Variants in MIR2052HG observed in about 807,000 individuals in gnomAD.
MIR2052HG encodes MIR2052 host gene.
chr8:74,616,235 T>G (rs1051149070), intron 2 of MIR2052HG, among the ~76,000 whole-genome samples: 5 of 151,810 alleles, frequency 3.3e-5, no homozygotes, highest in African/African-American at 1.2e-4. Context: ...ACTAACAGTG[T>G]AAAAGTGTTC....
intron 4 of MIR2052HG, among the ~76,000 whole-genome samples, chr8:74,739,050 A>T (rs1208371459): frequency 6.6e-6 from 1 of 152,210 alleles, no homozygotes; most frequent in Admixed American, 6.5e-5. Context: ...AAGGGAGGGG[A>T]TCAATAAATT....
chr8:74,613,855 G>A (rs973056745), intron 2 of MIR2052HG, among the ~76,000 whole-genome samples: 1 of 152,176 alleles, frequency 6.6e-6, no homozygotes, highest in Non-Finnish European at 1.5e-5. Flanking sequence ...TTTTAAATAT[G>A]ATGGTCAGAT....
At chr8:74,616,258 A>G (rs891229443) in intron 2 of MIR2052HG, among the ~76,000 whole-genome samples, 7 of 151,512 alleles carry the variant, frequency 4.6e-5, no homozygotes, top group Admixed American at 3.9e-4. Flanking sequence ...ATTTCTCCAC[A>G]TCCTCTCCAG....
chr8:74,727,324 G>A (rs1239660872), intron 4 of MIR2052HG, among the ~76,000 whole-genome samples: 1 of 152,190 alleles, frequency 6.6e-6, no homozygotes, highest in Non-Finnish European at 1.5e-5. Flanking sequence ...CTAAAGCAGG[G>A]TCTGGAAGGT....
intron 2 of MIR2052HG, among the ~76,000 whole-genome samples, chr8:74,669,532 T>C (rs1391992274): frequency 1.3e-5 from 2 of 152,218 alleles, no homozygotes; most frequent in Non-Finnish European, 1.5e-5. Context: ...CTCTTGCTAA[T>C]GATTTTCCTT....
intron 4 of MIR2052HG, among the ~76,000 whole-genome samples, chr8:74,729,859 C>T (rs1809673010): frequency 6.6e-6 from 1 of 152,112 alleles, no homozygotes; most frequent in Non-Finnish European, 1.5e-5. Context: ...TGATCTTCAG[C>T]ACTTTTTGAA....
At position 74,681,048 on chromosome 8, in the gene MIR2052HG, C is replaced by T. The variant is rs1029420878; in HGVS notation, n.217-21331C>T. ...TGGACACAGGAAGGGGAACATCACA[C>T]TCTGGGGACTGTTGTGGGGTGGGGG... is the stretch of plus-strand genomic sequence containing the variant. On this transcript the variant is annotated intron_variant and non_coding_transcript_variant, in intron 2 of 6. Coordinates refer to ENST00000523442, the Ensembl canonical transcript of MIR2052HG. 4.1e-5 allele frequency among the ~76,000 whole-genome samples: 5 copies of T among 121,540 alleles called. No homozygotes were observed. In the East Asian group the frequency reaches 1.2e-3, roughly 30 times the overall value. The allele number at this position is 121,540 out of a possible 152,430, so 79.7% of individuals were successfully genotyped here.
intron 1 of MIR2052HG, among the ~76,000 whole-genome samples, chr8:74,602,821 CT>C (rs1227868746): frequency 4.3e-5 from 5 of 115,236 alleles, no homozygotes; most frequent in Non-Finnish European, 7.1e-5. Context: ...GGCCGTGTTT[CT>C]TTCTTTCTTT....
rs565982298 is a variant in MIR2052HG, at chr8:74,739,233, G to A, written n.372-13208G>A. 7.2e-5 allele frequency among the ~76,000 whole-genome samples: 11 copies of A among 152,272 alleles called. No individual in the cohort carries two copies. The South Asian group carries it at 2.3e-3, about 32-fold the overall frequency. On this transcript the variant is annotated intron_variant and non_coding_transcript_variant, in intron 4 of 6. Coordinates refer to ENST00000523442, the Ensembl canonical transcript of MIR2052HG. ...TGGTTCTTGTGTTTAATAAAATGGT[G>A]ACTTCCTTTTGTTGGCATCAGTTCT...
chr8:74,676,643 A>C (rs923862653), intron 2 of MIR2052HG, among the ~76,000 whole-genome samples: 2 of 151,890 alleles, frequency 1.3e-5, no homozygotes, highest in African/African-American at 4.8e-5. Context: ...AGTCACAATA[A>C]ATAAAAACAG....
At chr8:74,707,702 G>A (rs1043622320) in intron 4 of MIR2052HG, among the ~76,000 whole-genome samples, 3 of 152,042 alleles carry the variant, frequency 2.0e-5, no homozygotes, top group East Asian at 1.9e-4. Flanking sequence ...GCTTATTAAG[G>A]CTTGTCTGTA....
intron 1 of MIR2052HG, among the ~76,000 whole-genome samples, chr8:74,605,115 T>C (rs1167020835): frequency 6.6e-6 from 1 of 152,226 alleles, no homozygotes; most frequent in Non-Finnish European, 1.5e-5. Flanking sequence ...TTCATTTCTC[T>C]AGAAGACAGC....
intron 2 of MIR2052HG, among the ~76,000 whole-genome samples, chr8:74,642,256 C>T (rs1265171356): frequency 1.3e-5 from 2 of 151,842 alleles, no homozygotes; most frequent in African/African-American, 2.4e-5. Flanking sequence ...GGTTAATGTG[C>T]GCGGTTTCCA....
chr8:74,683,886 A>G (rs1809151724), intron 2 of MIR2052HG, among the ~76,000 whole-genome samples: 1 of 152,146 alleles, frequency 6.6e-6, no homozygotes. Context: ...TGCTATGACC[A>G]CGGAACTTCA....
At chr8:74,716,374 T>C (rs1378565137) in intron 4 of MIR2052HG, among the ~76,000 whole-genome samples, 1 of 152,120 alleles carries the variant, frequency 6.6e-6, no homozygotes, top group Non-Finnish European at 1.5e-5. Flanking sequence ...AGCTCTAGGG[T>C]ATGTCTACAG....
chr8:74,716,705 G>T (rs1186862837), intron 4 of MIR2052HG, among the ~76,000 whole-genome samples: 1 of 151,770 alleles, frequency 6.6e-6, no homozygotes, highest in Non-Finnish European at 1.5e-5. Context: ...ACAAGACTCT[G>T]TCTCAAAAAA....
At chr8:74,662,766 G>A (rs114295972) in intron 2 of MIR2052HG, among the ~76,000 whole-genome samples, 1,987 of 151,922 alleles carry the variant, frequency 0.013, 34 homozygotes, top group African/African-American at 0.046. Context: ...TTAATGATAG[G>A]AGGGGCTTAT....
chr8:74,607,635 C>T (rs533539470), intron 1 of MIR2052HG, among the ~76,000 whole-genome samples: 1 of 152,024 alleles, frequency 6.6e-6, no homozygotes, highest in South Asian at 2.1e-4. Context: ...TACACAAAAC[C>T]AGAACTGATA....
chr8:74,723,832 C>A (rs1159223213), intron 4 of MIR2052HG, among the ~76,000 whole-genome samples: 5 of 152,140 alleles, frequency 3.3e-5, no homozygotes, highest in African/African-American at 4.8e-5. Context: ...AATTTCTGCA[C>A]AATGTTCAGG....
Sources: allele counts gnomAD v4.1 joint callset (sites outside exome capture counted in the v4.1 genomes callset), GRCh38; gene constraint gnomAD v4.1.1; transcripts MANE v1.5; gene names NCBI Gene and HGNC (gene_info 2026-07-23, HGNC 2026-07-21).